Variants in CKAP4 observed in about 807,000 individuals in gnomAD.
The protein encoded by CKAP4 is cytoskeleton-associated protein 4.
In CKAP4, 20 loss-of-function variants were observed where a neutral mutation model predicts 24.4. The ratio of observed to expected loss-of-function variants is 0.82; its 90% CI spans 0.58 to 1.19. The LOEUF is 1.19. Ranked by LOEUF, CKAP4 falls within the 50% of genes most tolerant of loss-of-function variation. The probability of loss-of-function intolerance (pLI) is 0.00; values close to 1 mark genes in which losing one functional copy is unlikely to be tolerated. For missense variants in CKAP4, 744 were observed against 765.3 expected, an observed-to-expected ratio of 0.97 and a Z score of 0.33; for synonymous variants, 378 against 351.7, an observed-to-expected ratio of 1.07 and a Z score of -0.84.
chr12:106,239,482 G>A lies in CKAP4; in HGVS notation c.1351C>T (p.Leu451=). The A allele has an allele frequency of 6.2e-7, 1 of 1,606,648 alleles. No individual in the cohort carries two copies. The highest frequency in any genetic ancestry group is 8.5e-7 in the Non-Finnish European group (1 of 1,179,644). The part of the protein sequence containing the change: ...SQEHEQRLAA[L]QGRLEGLGSS... ...CCGAGGCCTTCCAGGCGCCCCTGCA[G>A]GGCGGCCAGGCGCTGCTCGTGCTCC... The change falls in exon 2 of 2, where the codon CTG becomes TTG. Residue 451 remains leucine (L), a synonymous_variant. Transcript: ENST00000378026. The surrounding 1 kb of genome is among the most constrained non-coding windows in gnomAD (Gnocchi z 4.9).
At position 106,247,713 on chromosome 12, in the gene CKAP4, G is replaced by GCGGCGGCGGCGGCTGCTGCGGCGC. The variant is rs1382759570; in HGVS notation, c.115_138dup (p.Ala39_Pro46dup). On this transcript the variant is annotated inframe_insertion, in exon 1 of 2. Transcript: ENST00000378026. This position sits in a 1 kb window ranked among gnomAD's most constrained non-coding sequence, Gnocchi z 4.5. ...GGGTGCTGCTGCGGGTGCGGCGCGG[G>GCGGCGGCGGCGGCTGCTGCGGCGC]CGGCGGCGGCGGCTGCTGCGGCGCC... 2 of 148,462 alleles carry GCGGCGGCGGCGGCTGCTGCGGCGC rather than the reference G, an allele frequency of 1.3e-5. No homozygotes were observed. Among genetic ancestry groups the GCGGCGGCGGCGGCTGCTGCGGCGC allele is most frequent in the Non-Finnish European group, 1.5e-5 (2 of 129,278 alleles). 9.2% of individuals were successfully genotyped at this position (148,462 alleles called of 1,614,324 possible). A position where few individuals can be genotyped will look rare whatever the true frequency, so the allele number is the denominator to read the frequency against.
In CKAP4 at chr12:106,239,698, G is replaced by T; in HGVS notation, c.1135C>A (p.Gln379Lys). ...EIRRLEEELR[Q>K]LKSDSHGPKE... ...GGCCCGTGGGAATCGGACTTCAGCT[G>T]GCGGAGCTCTTCCTCCAGTCTCCGG... Residue 379 changes from glutamine (Q) to lysine (K), a missense_variant, in exon 2 of 2, where the codon CAG (glutamine) becomes AAG (lysine). Gln to Lys is a moderately conservative substitution (Grantham distance 53). Around this residue, in one of 3 missense-constraint regions of CKAP4, gnomAD observed 401 missense variants for 424.5 expected, o/e 0.94. Coordinates refer to ENST00000378026, the MANE Select transcript of CKAP4 (RefSeq NM_006825.4). The surrounding 1 kb of genome is among the most constrained non-coding windows in gnomAD (Gnocchi z 4.9). 1 of 1,614,130 alleles carries T rather than the reference G, an allele frequency of 6.2e-7. No individual in the cohort carries two copies. Among genetic ancestry groups the T allele is most frequent in the Non-Finnish European group, 8.5e-7 (1 of 1,179,998 alleles).
chr12:106,245,876 T>C (rs947977732), intron 1 of CKAP4, among the ~76,000 whole-genome samples: 2 of 152,000 alleles, frequency 1.3e-5, no homozygotes, highest in African/African-American at 4.8e-5. Context: ...ATTACAGGCG[T>C]GAGCCACCAC....
intron 1 of CKAP4, chr12:106,246,935 G>A (rs1048038273): frequency 3.1e-5 from 5 of 160,664 alleles, no homozygotes; most frequent in African/African-American, 1.2e-4. Flanking sequence ...GTGGGGCCTT[G>A]CCTGAGGCTT....
chr12:106,239,378 G>A lies in CKAP4; in HGVS notation c.1455C>T (p.Asp485=), dbSNP rs140231437. 62 of 1,601,900 alleles carry A rather than the reference G, an allele frequency of 3.9e-5. No homozygotes were observed. The highest frequency in any genetic ancestry group is 4.8e-5 in the Non-Finnish European group (56 of 1,178,426). ...LGETQLVLYG[D]VEELKRSVGE... is the part of the protein sequence containing the mutation. ...CCACACTCCTCTTCAGCTCCTCCAC[G>A]TCACCGTAGAGCACCAGCTGGGTCT... The change falls in exon 2 of 2, where the codon GAC becomes GAT. Residue 485 remains aspartate (D), a synonymous_variant. Transcript: ENST00000378026. This position sits in a 1 kb window ranked among gnomAD's most constrained non-coding sequence, Gnocchi z 4.9.
At chr12:106,240,722 C>CT (rs1458999257) in intron 1 of CKAP4, among the ~76,000 whole-genome samples, 1 of 151,318 alleles carries the variant, frequency 6.6e-6, no homozygotes, top group Non-Finnish European at 1.5e-5. Flanking sequence ...GAACCTGACT[C>CT]TATCAAGTCC....
In CKAP4 at chr12:106,239,258, A is replaced by C. The variant is rs755767064; in HGVS notation, c.1575T>G (p.Pro525=). 33 of 1,613,706 alleles carry C rather than the reference A, an allele frequency of 2.0e-5. No homozygotes were observed. Among genetic ancestry groups the C allele is most frequent in the Non-Finnish European group, 2.7e-5 (32 of 1,180,034 alleles). Reference sequence around the variant, plus strand: ...AAAGTCTGTCCAGGAAGTCCTGAGGAGGCAGACGGGCGGCCTGGGCTTGGT... The same window carrying C: ...AAAGTCTGTCCAGGAAGTCCTGAGGCGGCAGACGGGCGGCCTGGGCTTGGT... The part of the protein sequence containing the change: ...SQDQAQAARL[P]PQDFLDRLSS... Residue 525 remains proline, a synonymous_variant, in exon 2 of 2, where the codon CCT becomes CCG. Transcript: ENST00000378026. This position sits in a 1 kb window ranked among gnomAD's most constrained non-coding sequence, Gnocchi z 4.9.
intron 1 of CKAP4, chr12:106,245,638 C>A (rs112670721): frequency 0.052 from 7,550 of 146,552 alleles, 464 homozygotes; most frequent in African/African-American, 0.15. Context: ...TCTGTTGCCC[C>A]GGCTGGGGTG....
intron 1 of CKAP4, among the ~76,000 whole-genome samples, chr12:106,241,137 CAAG>C (rs1213443178): frequency 6.6e-6 from 1 of 152,066 alleles, no homozygotes; most frequent in Non-Finnish European, 1.5e-5. Flanking sequence ...TTGAAATAAT[CAAG>C]AACTGTGATT....
Position 106,240,031 on chromosome 12 carries a change from C to A in CKAP4, c.802G>T (p.Asp268Tyr), listed in dbSNP as rs1565948563. Reference sequence around the variant, plus strand: ...AGGGAGGCAACCTTTGCCTTCATGTCATTGATCTCCTTCTGGCTCCTCTTC... The same window carrying A: ...AGGGAGGCAACCTTTGCCTTCATGTAATTGATCTCCTTCTGGCTCCTCTTC... ...VQKRSQKEIN[D>Y]MKAKVASLEE... Residue 268 changes from aspartate to tyrosine, a missense_variant, in exon 2 of 2, where the codon GAC becomes TAC. Asp to Tyr is a radical substitution (Grantham distance 160). Around this residue, in one of 3 missense-constraint regions of CKAP4, gnomAD observed 401 missense variants for 424.5 expected, o/e 0.94. Coordinates refer to ENST00000378026, the MANE Select transcript of CKAP4 (RefSeq NM_006825.4). 1.2e-6 allele frequency: 2 copies of A among 1,614,138 alleles called. No individual in the cohort carries two copies. Among genetic ancestry groups the A allele is most frequent in the Non-Finnish European group, 8.5e-7 (1 of 1,180,024 alleles).
chr12:106,247,261 G>C lies in CKAP4; in HGVS notation c.483+108C>G, dbSNP rs537355660. 14 of 1,014,818 alleles carry C rather than the reference G, an allele frequency of 1.4e-5. No individual in the cohort carries two copies. The highest frequency in any genetic ancestry group is 5.4e-5 in the South Asian group (3 of 55,818). 62.9% of individuals were successfully genotyped at this position (1,014,818 alleles called of 1,614,324 possible). A position where few individuals can be genotyped will look rare whatever the true frequency, so the allele number is the denominator to read the frequency against. On this transcript the variant is annotated intron_variant, in intron 1 of 1. Transcript: ENST00000378026. The surrounding 1 kb of genome is among the most constrained non-coding windows in gnomAD (Gnocchi z 4.5). ...GGAGGAGCGGCCGGCTCCCGCCTCC[G>C]GGCCTGGGCAGGCAGCGCTAGGGGC...
intron 1 of CKAP4, among the ~76,000 whole-genome samples, chr12:106,245,059 C>T (rs577915525): frequency 6.6e-6 from 1 of 152,290 alleles, no homozygotes; most frequent in South Asian, 2.1e-4. Flanking sequence ...TTCCAACCCA[C>T]CCTCTCTCAC....
intron 1 of CKAP4, among the ~76,000 whole-genome samples, chr12:106,241,558 C>T (rs546823348): frequency 6.6e-6 from 1 of 152,192 alleles, no homozygotes; most frequent in African/African-American, 2.4e-5. Context: ...TGGTCTCGAT[C>T]TCCTGACCTC....
At chr12:106,242,622 A>G (rs1036196144) in intron 1 of CKAP4, among the ~76,000 whole-genome samples, 1 of 152,234 alleles carries the variant, frequency 6.6e-6, no homozygotes, top group Non-Finnish European at 1.5e-5. Context: ...GTCTTAAAGG[A>G]CACTCTGTGA....
rs998403353 is a variant in CKAP4 at position 106,238,061 on chromosome 12, C to G, written c.*963G>C. ...ACAGCCATTAAAGAACAATACAGCT[C>G]AGAGGGAAGGGAGATACAGCAAACA... On this transcript the variant is annotated 3_prime_UTR_variant, in exon 2 of 2. Coordinates refer to ENST00000378026, the MANE Select transcript of CKAP4 (RefSeq NM_006825.4). 8.1e-6 allele frequency: 1 copy of G among 123,786 alleles called. No homozygotes were observed. The highest frequency in any genetic ancestry group is 1.6e-5 in the Non-Finnish European group (1 of 62,868). 7.7% of individuals were successfully genotyped at this position (123,786 alleles called of 1,614,324 possible).
At position 106,247,232 on chromosome 12, in the gene CKAP4, C is replaced by A; in HGVS notation, c.483+137G>T. The A allele has an allele frequency of 1.4e-6, 1 of 714,020 alleles. No homozygotes were observed. Among genetic ancestry groups the A allele is most frequent in the Middle Eastern group, 4.2e-4 (1 of 2,372 alleles). The allele number at this position is 714,020 out of a possible 1,614,324, so 44.2% of individuals were successfully genotyped here. On this transcript the variant is annotated intron_variant, in intron 1 of 1. Coordinates refer to ENST00000378026, the MANE Select transcript of CKAP4 (RefSeq NM_006825.4). The surrounding 1 kb of genome is among the most constrained non-coding windows in gnomAD (Gnocchi z 4.5). Reference sequence around the variant, plus strand: ...AGTGGGATGTCTAGGCCAGGGCCCGCCAAGGAGGAGCGGCCGGCTCCCGCC... The same window carrying A: ...AGTGGGATGTCTAGGCCAGGGCCCGACAAGGAGGAGCGGCCGGCTCCCGCC...
In CKAP4 at chr12:106,239,050, C is replaced by T; in HGVS notation, c.1783G>A (p.Val595Met). ...RNDLDRLFVK[V>M]EKIHEKV ...TAGACCTTTTCGTGAATCTTCTCCA[C>T]TTTCACAAACAACCTATCCAGATCA... The change falls in exon 2 of 2, where the codon GTG becomes ATG. Residue 595 changes from valine to methionine, a missense_variant. Transcript: ENST00000378026. This position sits in a 1 kb window ranked among gnomAD's most constrained non-coding sequence, Gnocchi z 4.9. 6.2e-7 allele frequency: 1 copy of T among 1,613,660 alleles called. No individual in the cohort carries two copies. The highest frequency in any genetic ancestry group is 1.1e-5 in the South Asian group (1 of 91,078).
chr12:106,247,477 C>A lies in CKAP4; in HGVS notation c.375G>T (p.Trp125Cys). 1 of 1,546,394 alleles carries A rather than the reference C, an allele frequency of 6.5e-7. No homozygotes were observed. The highest frequency in any genetic ancestry group is 8.7e-7 in the Non-Finnish European group (1 of 1,148,664). ...CCTCCTCCAGGACGTGGTGGACGCACCAGCCCGAGAAAGCGGCCGCCGCCA... is the reference window on the plus strand; with the variant it reads ...CCTCCTCCAGGACGTGGTGGACGCAACAGCCCGAGAAAGCGGCCGCCGCCA... The part of the protein sequence containing the change: ...ALVAAAAFSG[W>C]CVHHVLEEVQ... Residue 125 changes from tryptophan to cysteine, a missense_variant, in exon 1 of 2, where the codon TGG (tryptophan) becomes TGT (cysteine). Transcript: ENST00000378026. This position sits in a 1 kb window ranked among gnomAD's most constrained non-coding sequence, Gnocchi z 4.5.
In CKAP4 at chr12:106,246,890, A is replaced by C. The variant is rs73384383; in HGVS notation, c.483+479T>G. 1,198 of 154,294 alleles carry C rather than the reference A, an allele frequency of 7.8e-3. 19 individuals carry two copies. The highest frequency in any genetic ancestry group is 0.028 in the African/African-American group (1,148 of 41,392). The allele number at this position is 154,294 out of a possible 1,614,324, so 9.6% of individuals were successfully genotyped here. On this transcript the variant is annotated intron_variant, in intron 1 of 1. Transcript: ENST00000378026. ...AATGCCAGCTCCGGGTCTATTAAAA[A>C]CCCCGCTCGGATGTCTCCCACAGGC... is the stretch of plus-strand genomic sequence containing the variant.
Sources: allele counts gnomAD v4.1 joint callset (sites outside exome capture counted in the v4.1 genomes callset), GRCh38; gene constraint gnomAD v4.1.1; regional missense constraint gnomAD v4.1.1; non-coding constraint Gnocchi (gnomAD v3.1); transcripts MANE v1.5; gene names NCBI Gene and HGNC (gene_info 2026-07-23, HGNC 2026-07-21).